Variants in BICD1 observed in about 807,000 individuals in gnomAD.
BICD1 encodes the protein BICD cargo adaptor 1, also known as protein bicaudal D homolog 1.
BICD1 carries 35 observed loss-of-function variants against 92.5 expected under a neutral mutation model. That is an observed-to-expected ratio of 0.38 (90% CI 0.29 to 0.50). BICD1 has a LOEUF of 0.50. Ranked by LOEUF, BICD1 falls within the 20% of genes least tolerant of loss-of-function variation. The pLI, the probability that BICD1 is intolerant of heterozygous loss-of-function variation, is 0.93. For missense variants in BICD1, 950 were observed against 1,189.8 expected, an observed-to-expected ratio of 0.80 and a Z score of 2.97; for synonymous variants, 429 against 465.1, an observed-to-expected ratio of 0.92 and a Z score of 1.00.
intron 2 of BICD1, among the ~76,000 whole-genome samples, chr12:32,277,466 A>G (rs1490565585): frequency 1.3e-5 from 2 of 152,118 alleles, no homozygotes; most frequent in East Asian, 3.9e-4. Flanking sequence ...TATATCAAAG[A>G]CTTCATTTGG....
intron 1 of BICD1, among the ~76,000 whole-genome samples, chr12:32,117,643 C>T (rs1941963836): frequency 6.8e-6 from 1 of 147,530 alleles, no homozygotes; most frequent in South Asian, 2.1e-4. Context: ...GGCACATGTG[C>T]ATGTGCATGA....
rs148433593 is a variant in BICD1, at chr12:32,281,093, G to A, written c.427-12901G>A. Reference sequence around the variant, plus strand: ...TTTTAGTGACTCACAGAAACACTCCGTAGAACTAGCCTCTGCAGAACACCC... The same window carrying A: ...TTTTAGTGACTCACAGAAACACTCCATAGAACTAGCCTCTGCAGAACACCC... On this transcript the variant is annotated intron_variant, in intron 2 of 9. Transcript: ENST00000652176. Among the ~76,000 whole-genome samples, 351 of 152,168 alleles carry A rather than the reference G, an allele frequency of 2.3e-3. 1 individual carries two copies. The highest frequency in any genetic ancestry group is 3.9e-3 in the Non-Finnish European group (266 of 67,992).
intron 1 of BICD1, among the ~76,000 whole-genome samples, chr12:32,175,214 A>AT (rs2121518265): frequency 6.6e-6 from 1 of 152,356 alleles, no homozygotes; most frequent in African/African-American, 2.4e-5. Flanking sequence ...AAATGAATGA[A>AT]TGCATGAATG....
At chr12:32,158,442 G>A (rs1012870848) in intron 1 of BICD1, among the ~76,000 whole-genome samples, 19 of 151,846 alleles carry the variant, frequency 1.3e-4, no homozygotes, top group African/African-American at 4.1e-4. Flanking sequence ...TGGGCGACAC[G>A]GTGAGACCCT....
intron 4 of BICD1, among the ~76,000 whole-genome samples, chr12:32,319,156 C>G (rs1769543153): frequency 6.6e-6 from 1 of 152,122 alleles, no homozygotes; most frequent in African/African-American, 2.4e-5. Context: ...CCTAAGTTCC[C>G]TGGCTAGAAC....
intron 1 of BICD1, among the ~76,000 whole-genome samples, chr12:32,125,397 A>G (rs1168798330): frequency 6.6e-6 from 1 of 152,070 alleles, no homozygotes; most frequent in Admixed American, 6.5e-5. Context: ...CTGCTGGTTC[A>G]AGTTTAACCT....
At chr12:32,128,151 G>A (rs643267) in intron 1 of BICD1, among the ~76,000 whole-genome samples, 1 of 152,146 alleles carries the variant, frequency 6.6e-6, no homozygotes, top group Non-Finnish European at 1.5e-5. Context: ...TGATCTGCCC[G>A]CCTCCGCCTC....
In BICD1 at chr12:32,281,092, C is replaced by T. The variant is rs114412890; in HGVS notation, c.427-12902C>T. Among the ~76,000 whole-genome samples, 331 of 152,224 alleles carry T rather than the reference C, an allele frequency of 2.2e-3. 1 individual carries two copies. Among genetic ancestry groups the T allele is most frequent in the African/African-American group, 7.7e-3 (319 of 41,548 alleles). The stretch of plus-strand genomic sequence containing the variant: ...TTTTTAGTGACTCACAGAAACACTC[C>T]GTAGAACTAGCCTCTGCAGAACACC... On this transcript the variant is annotated intron_variant, in intron 2 of 9. Coordinates refer to ENST00000652176, the MANE Select transcript of BICD1 (RefSeq NM_001714.4).
chr12:32,306,480 G>A (rs1047617314), intron 4 of BICD1, among the ~76,000 whole-genome samples: 4 of 151,824 alleles, frequency 2.6e-5, no homozygotes, highest in South Asian at 2.1e-4. Context: ...TCCTGACTTC[G>A]TGATCCGCCC....
chr12:32,108,801 G>A, intron 1 of BICD1: 2 of 552,582 alleles, frequency 3.6e-6, no homozygotes, highest in Non-Finnish European at 6.5e-6. Flanking sequence ...TCCCAACTAG[G>A]AATCTAATTT....
At chr12:32,117,138 A>G (rs1330122594) in intron 1 of BICD1, among the ~76,000 whole-genome samples, 1 of 152,202 alleles carries the variant, frequency 6.6e-6, no homozygotes, top group African/African-American at 2.4e-5. Context: ...GGAATGAGGC[A>G]GTCTTCTTAG....
chr12:32,360,386 A>G (rs1439658806), intron 8 of BICD1, among the ~76,000 whole-genome samples: 1 of 152,212 alleles, frequency 6.6e-6, no homozygotes, highest in East Asian at 1.9e-4. Flanking sequence ...AAATGTAGAA[A>G]TATAGTTTTT....
intron 1 of BICD1, among the ~76,000 whole-genome samples, chr12:32,190,748 C>T (rs1944541777): frequency 6.6e-6 from 1 of 152,118 alleles, no homozygotes; most frequent in Non-Finnish European, 1.5e-5. Context: ...CCAAGTGGAC[C>T]TAACAGACAT....
chr12:32,179,550 GTAAAGGAATC>G (rs1944211525), intron 1 of BICD1, among the ~76,000 whole-genome samples: 1 of 151,924 alleles, frequency 6.6e-6, no homozygotes, highest in African/African-American at 2.4e-5. Flanking sequence ...TAATTGAATA[GTAAAGGAATC>G]TAAATCTCTA....
At chr12:32,200,629 A>G (rs1354629869) in intron 1 of BICD1, among the ~76,000 whole-genome samples, 1 of 152,202 alleles carries the variant, frequency 6.6e-6, no homozygotes, top group Non-Finnish European at 1.5e-5. Flanking sequence ...ATATGCAACC[A>G]TAGGGAATAG....
chr12:32,220,851 C>T (rs1945495830), intron 2 of BICD1, among the ~76,000 whole-genome samples: 1 of 127,464 alleles, frequency 7.8e-6, no homozygotes, highest in African/African-American at 3.1e-5. Context: ...ACCCAAATGT[C>T]CAACAATGAT....
chr12:32,206,101 T>A (rs1299569171), intron 1 of BICD1, among the ~76,000 whole-genome samples: 1 of 152,232 alleles, frequency 6.6e-6, no homozygotes, highest in Non-Finnish European at 1.5e-5. Context: ...GGTTTTTTAT[T>A]CACCAATTGA....
intron 1 of BICD1, among the ~76,000 whole-genome samples, chr12:32,110,918 C>G (rs1044174392): frequency 2.6e-5 from 4 of 151,436 alleles, no homozygotes; most frequent in Non-Finnish European, 5.9e-5. Context: ...AGCACACCAG[C>G]ATGGCACATG....
intron 1 of BICD1, among the ~76,000 whole-genome samples, chr12:32,115,072 G>C (rs919498147): frequency 3.3e-5 from 5 of 152,036 alleles, no homozygotes; most frequent in African/African-American, 1.2e-4. Flanking sequence ...GACCAGGCTG[G>C]TCTTGAACTC....
Sources: allele counts gnomAD v4.1 joint callset (sites outside exome capture counted in the v4.1 genomes callset), GRCh38; gene constraint gnomAD v4.1.1; transcripts MANE v1.5; gene names NCBI Gene and HGNC (gene_info 2026-07-23, HGNC 2026-07-21).